Variants in PCSK5 observed in about 807,000 individuals in gnomAD.
PCSK5 encodes the protein prohormone convertase 5.
In PCSK5, 129 loss-of-function variants were observed where a neutral mutation model predicts 233.2. That is an observed-to-expected ratio of 0.55 (90% confidence interval 0.48 to 0.64). PCSK5 has a LOEUF of 0.64. PCSK5 is among the 30% of genes least tolerant of loss of function. PCSK5 has a pLI of 0.00. For missense variants in PCSK5, 2,076 were observed against 2,430.1 expected (o/e 0.85, Z 3.06); for synonymous variants, 825 against 879.2 (o/e 0.94, Z 1.09).
chr9:76,338,666 C>T (rs1005091114), intron 35 of PCSK5, among the ~76,000 whole-genome samples: 2 of 152,136 alleles, frequency 1.3e-5, no homozygotes, highest in African/African-American at 2.4e-5. Context: ...CTTCAAGGCC[C>T]AGAGACAGGC....
At chr9:76,091,903 G>A (rs977764837) in intron 7 of PCSK5, among the ~76,000 whole-genome samples, 2 of 152,176 alleles carry the variant, frequency 1.3e-5, no homozygotes, top group African/African-American at 2.4e-5. Context: ...TTATCTGTTC[G>A]ACACAAGGAC....
chr9:75,896,523 G>A (rs778704345), intron 1 of PCSK5, among the ~76,000 whole-genome samples: 1 of 152,126 alleles, frequency 6.6e-6, no homozygotes. Flanking sequence ...TTTTGTTGTC[G>A]GTTCAAGTTA....
intron 22 of PCSK5, among the ~76,000 whole-genome samples, chr9:76,236,345 G>A (rs1826253083): frequency 6.6e-6 from 1 of 152,114 alleles, no homozygotes; most frequent in African/African-American, 2.4e-5. Context: ...CAGCTGCCAA[G>A]AAATGCTCTG....
At chr9:76,303,920 C>T (rs1292982246) in intron 28 of PCSK5, among the ~76,000 whole-genome samples, 1 of 152,110 alleles carries the variant, frequency 6.6e-6, no homozygotes, top group Non-Finnish European at 1.5e-5. Context: ...ACCTGTAATC[C>T]CAGCGCTTTG....
At chr9:76,110,858 C>T (rs542898366) in intron 9 of PCSK5, among the ~76,000 whole-genome samples, 210 of 152,178 alleles carry the variant, frequency 1.4e-3, no homozygotes, top group Non-Finnish European at 2.4e-3. Flanking sequence ...CCTATAATCC[C>T]AGCACTTTGG....
intron 2 of PCSK5, among the ~76,000 whole-genome samples, chr9:75,985,113 C>G (rs1826450596): frequency 6.6e-6 from 1 of 152,118 alleles, no homozygotes; most frequent in Admixed American, 6.5e-5. Context: ...CAGAAGAAAT[C>G]AAACAAAGGA....
rs1829562454 is a variant in PCSK5 at position 76,332,425 on chromosome 9, C to T, written c.4571-8C>T. ...ATGTCCAAATAGACATTTTTTCTCCCATGACAGACACAACCTGTGTGAAGG... is the reference window on the plus strand; with the variant it reads ...ATGTCCAAATAGACATTTTTTCTCCTATGACAGACACAACCTGTGTGAAGG... On this transcript the variant is annotated splice_region_variant and splice_polypyrimidine_tract_variant and intron_variant, in intron 33 of 37. Transcript: ENST00000674117. The T allele has an allele frequency of 6.2e-7, 1 of 1,606,116 alleles. No individual in the cohort carries two copies. The highest frequency in any genetic ancestry group is 8.5e-7 in the Non-Finnish European group (1 of 1,176,100).
In PCSK5 at chr9:76,287,211, C is replaced by A. The variant is rs73464506; in HGVS notation, c.3143-5022C>A. On this transcript the variant is annotated intron_variant, in intron 24 of 37. Transcript: ENST00000674117. ...CAAGGGAATCATGTGGACCTGTAGG[C>A]TTCTCATGTCTCTATCGAAACTCCT... is the stretch of plus-strand genomic sequence containing the variant. 1,675 of 217,352 alleles carry A rather than the reference C, an allele frequency of 7.7e-3. 24 individuals carry two copies. Among genetic ancestry groups the A allele is most frequent in the African/African-American group, 0.034 (1,475 of 43,382 alleles). 13.5% of individuals were successfully genotyped at this position (217,352 alleles called of 1,614,324 possible). A position where few individuals can be genotyped will look rare whatever the true frequency, so the allele number is the denominator to read the frequency against.
intron 28 of PCSK5, 129 bp from the exon 29 acceptor site, chr9:76,308,516 T>C (rs1828771991): frequency 5.9e-6 from 4 of 678,934 alleles, no homozygotes; most frequent in Non-Finnish European, 7.9e-6. Flanking sequence ...AATCAGCTCA[T>C]GTACAATCAA....
chr9:76,277,441 T>C (rs973193570), intron 24 of PCSK5, among the ~76,000 whole-genome samples: 1 of 152,142 alleles, frequency 6.6e-6, no homozygotes, highest in Non-Finnish European at 1.5e-5. Flanking sequence ...TGATATTCCA[T>C]CACTGGAATT....
At chr9:76,077,838 C>G (rs562812726) in intron 7 of PCSK5, among the ~76,000 whole-genome samples, 1 of 152,282 alleles carries the variant, frequency 6.6e-6, no homozygotes, top group South Asian at 2.1e-4. Context: ...TCCATGTCTT[C>G]ACTATTGTGA....
intron 9 of PCSK5, among the ~76,000 whole-genome samples, chr9:76,114,613 G>A (rs1832353921): frequency 6.6e-6 from 1 of 152,098 alleles, no homozygotes; most frequent in Non-Finnish European, 1.5e-5. Flanking sequence ...AAACATGTTG[G>A]ATAGTTGAGT....
intron 3 of PCSK5, among the ~76,000 whole-genome samples, chr9:75,989,508 A>T (rs903411920): frequency 8.2e-5 from 12 of 146,944 alleles, no homozygotes; most frequent in Non-Finnish European, 1.8e-4. Flanking sequence ...AAAAAAAAAA[A>T]CAATTATCTC....
At chr9:76,098,723 A>T (rs1163389004) in intron 8 of PCSK5, among the ~76,000 whole-genome samples, 1 of 152,238 alleles carries the variant, frequency 6.6e-6, no homozygotes, top group Non-Finnish European at 1.5e-5. Flanking sequence ...AGGGAAGCAT[A>T]TAGTCTCATG....
chr9:75,918,765 A>G (rs62555867), intron 1 of PCSK5, among the ~76,000 whole-genome samples: 4,121 of 152,334 alleles, frequency 0.027, 113 homozygotes, highest in Non-Finnish European at 0.037. Flanking sequence ...AATGATTCTC[A>G]AGGTTGCTTT....
intron 35 of PCSK5, among the ~76,000 whole-genome samples, chr9:76,350,323 T>C (rs1190966267): frequency 7.2e-6 from 1 of 139,308 alleles, no homozygotes; most frequent in African/African-American, 2.7e-5. Context: ...TTCAAAGAAA[T>C]GTATCACCAT....
rs550322188 is a variant in PCSK5 at position 76,100,779 on chromosome 9, C to A, written c.1107+4677C>A. 2.6e-5 allele frequency among the ~76,000 whole-genome samples: 4 copies of A among 152,010 alleles called. No homozygotes were observed. The South Asian group carries it at 8.3e-4, about 32-fold the overall frequency. ...TTTCATTCCTTTACCCTTTTTCATA[C>A]CCCCTCACACAGTTGAACCTCTTGC... On this transcript the variant is annotated intron_variant, in intron 8 of 37. Coordinates refer to ENST00000674117, the MANE Select transcript of PCSK5 (RefSeq NM_001372043.1).
chr9:76,059,430 G>C (rs1007345937), intron 5 of PCSK5, among the ~76,000 whole-genome samples: 1 of 152,182 alleles, frequency 6.6e-6, no homozygotes, highest in East Asian at 1.9e-4. Flanking sequence ...TGAAGTCCTT[G>C]CCCATGCCTA....
chr9:75,894,769 A>C (rs896508683), intron 1 of PCSK5, among the ~76,000 whole-genome samples: 2 of 152,106 alleles, frequency 1.3e-5, no homozygotes, highest in Non-Finnish European at 2.9e-5. Flanking sequence ...CCTGCACGGG[A>C]ATAGAGGGAG....
Sources: allele counts gnomAD v4.1 joint callset (sites outside exome capture counted in the v4.1 genomes callset), GRCh38; gene constraint gnomAD v4.1.1; transcripts MANE v1.5; gene names NCBI Gene and HGNC (gene_info 2026-07-23, HGNC 2026-07-21).